PPFIA3: variants seen among roughly 807,000 people sequenced by gnomAD.
The protein encoded by PPFIA3 is PPFI scaffold protein A3.
A neutral mutation model predicts 145.8 loss-of-function variants in PPFIA3; 26 were observed. The observed-to-expected ratio is 0.18, with a 90% CI of 0.13 to 0.25. The LOEUF (loss-of-function observed/expected upper bound fraction) is 0.25. PPFIA3 is among the 10% of genes least tolerant of loss of function. The pLI is 1.00. For missense variants in PPFIA3, 1,008 were observed against 1,587.8 expected (o/e 0.63, Z 6.21); for synonymous variants, 645 against 661.4 (o/e 0.98, Z 0.38).
At chr19:49,122,863 A>T (rs2040953617) in intron 1 of PPFIA3, among the ~76,000 whole-genome samples, 2 of 150,958 alleles carry the variant, frequency 1.3e-5, no homozygotes, top group South Asian at 4.2e-4. Context: ...CTGGGACAAC[A>T]GGCGCCCACC....
At chr19:49,148,442 C>T in intron 24 of PPFIA3, 184 bp downstream of exon 24, 1 of 810,434 alleles carries the variant, frequency 1.2e-6, no homozygotes, top group Non-Finnish European at 1.9e-6. Flanking sequence ...AAGTTCAGAT[C>T]CTGAAATGGC....
chr19:49,121,331 T>A (rs2040934264), intron 1 of PPFIA3, among the ~76,000 whole-genome samples: 1 of 150,820 alleles, frequency 6.6e-6, no homozygotes, highest in Admixed American at 6.6e-5. Context: ...TTATTTATTT[T>A]GAGACAAGGT....
chr19:49,141,627 TGA>T (rs1228639353), intron 19 of PPFIA3, 114 bp downstream of exon 19: 6 of 779,026 alleles, frequency 7.7e-6, no homozygotes, highest in African/African-American at 1.8e-5. Context: ...AGAGGGTGTG[TGA>T]GTGTGTGTGT....
rs573333595 is a variant in PPFIA3 at position 49,120,654 on chromosome 19, G to A, written c.-16+932G>A. ...TCCTGGCACCCAGCATCTGCTCCCC[G>A]AGGGACTCAGGCGCCATGACTCCTT... is the stretch of plus-strand genomic sequence containing the variant. On this transcript the variant is annotated intron_variant, in intron 1 of 29. Transcript: ENST00000334186. The surrounding 1 kb of genome is among the most constrained non-coding windows in gnomAD (Gnocchi z 4.6). Among the ~76,000 whole-genome samples, 9 of 152,234 alleles carry A rather than the reference G, an allele frequency of 5.9e-5. No individual in the cohort carries two copies. Among genetic ancestry groups the A allele is most frequent in the Non-Finnish European group, 1.0e-4 (7 of 68,014 alleles).
Position 49,133,699 on chromosome 19 carries a change from G to T in PPFIA3, c.1162-97G>T. 3 of 1,305,824 alleles carry T rather than the reference G, an allele frequency of 2.3e-6. No homozygotes were observed. Among genetic ancestry groups the T allele is most frequent in the East Asian group, 2.4e-5 (1 of 41,716 alleles). 80.9% of individuals were successfully genotyped at this position (1,305,824 alleles called of 1,614,324 possible). ...GTGCAGGGGAGGAGCCTGGCGCTGT[G>T]GGGGCGGAGCCTGGCGCTCAGCCTT... On this transcript the variant is annotated intron_variant, in intron 9 of 29. Coordinates refer to ENST00000334186, the MANE Select transcript of PPFIA3 (RefSeq NM_003660.4). This position sits in a 1 kb window ranked among gnomAD's most constrained non-coding sequence, Gnocchi z 7.2.
In PPFIA3 at chr19:49,134,588, C is replaced by T. The variant is rs559801195; in HGVS notation, c.1378-51C>T. 1.7e-4 allele frequency: 264 copies of T among 1,553,406 alleles called. 3 individuals are homozygous for T. In the South Asian group the frequency reaches 2.8e-3, roughly 16 times the overall value. On this transcript the variant is annotated intron_variant, in intron 11 of 29. Transcript: ENST00000334186. ...GCACTGGGAGCTGCCTGCAGCCCCA[C>T]GGGCGTGGCCCCTCAGGCCTCACTC... is the stretch of plus-strand genomic sequence containing the variant.
At chr19:49,146,257 C>T in intron 23 of PPFIA3, 65 bp downstream of exon 23, 1 of 1,562,942 alleles carries the variant, frequency 6.4e-7, no homozygotes, top group Non-Finnish European at 8.7e-7. Context: ...GATGCCCCTC[C>T]TCCGAGCCCT....
At position 49,134,967 on chromosome 19, in the gene PPFIA3, C is replaced by G. The variant is rs371059547; in HGVS notation, c.1520+52C>G. The G allele has an allele frequency of 1.4e-4, 208 of 1,448,296 alleles. 2 individuals carry two copies. In the African/African-American group the frequency reaches 2.8e-3, roughly 19 times the overall value. 89.7% of individuals were successfully genotyped at this position (1,448,296 alleles called of 1,614,324 possible). Reference sequence around the variant, plus strand: ...CCACCATGGAGCCCCGTTGGCCAAGCGCCAAGCTCCTCCCTTCTGATCCCC... The same window carrying G: ...CCACCATGGAGCCCCGTTGGCCAAGGGCCAAGCTCCTCCCTTCTGATCCCC... On this transcript the variant is annotated intron_variant, in intron 13 of 29. Coordinates refer to ENST00000334186, the MANE Select transcript of PPFIA3 (RefSeq NM_003660.4).
In PPFIA3 at chr19:49,135,844, A is replaced by T; in HGVS notation, c.1586A>T (p.His529Leu). 1 of 1,613,886 alleles carries T rather than the reference A, an allele frequency of 6.2e-7. No homozygotes were observed. Among genetic ancestry groups the T allele is most frequent in the Non-Finnish European group, 8.5e-7 (1 of 1,179,938 alleles). ...GCACCCACTTTACCTTCTGGTGCCC[A>T]CCTGGATCCCTATGTGGCTGGCAGT... ...SQAPTLPSGAHLDPYVAGSGR... is the reference protein window; with the variant it reads ...SQAPTLPSGALLDPYVAGSGR... Residue 529 changes from histidine to leucine, a missense_variant, in exon 14 of 30, where the codon CAC becomes CTC. Transcript: ENST00000334186.
chr19:49,128,864 T>C lies in PPFIA3; in HGVS notation c.359T>C (p.Leu120Pro). 1 of 1,605,614 alleles carries C rather than the reference T, an allele frequency of 6.2e-7. No homozygotes were observed. The highest frequency in any genetic ancestry group is 2.2e-5 in the East Asian group (1 of 44,760). ...RNNTRLLLEH[L>P]ECLVSRHERS... ...TGCTTGCAGCTGCTCCTGGAACACC[T>C]GGAGTGCCTGGTGTCCAGGCACGAG... The change falls in exon 4 of 30, where the codon CTG (leucine) becomes CCG (proline). Residue 120 changes from leucine to proline, a missense_variant. Leu to Pro is a moderately conservative substitution (Grantham distance 98). Transcript: ENST00000334186. This position sits in a 1 kb window ranked among gnomAD's most constrained non-coding sequence, Gnocchi z 4.1.
At chr19:49,138,464 A>C (rs1243040975) in intron 16 of PPFIA3, 37 bp downstream of exon 16, 2 of 1,456,248 alleles carry the variant, frequency 1.4e-6, no homozygotes, top group Non-Finnish European at 1.8e-6. Context: ...TAGTAGGGGG[A>C]TGGGGAGAGG....
chr19:49,130,784 C>T lies in PPFIA3; in HGVS notation c.879+185C>T, dbSNP rs931491994. On this transcript the variant is annotated intron_variant, in intron 7 of 29. Transcript: ENST00000334186. This position sits in a 1 kb window ranked among gnomAD's most constrained non-coding sequence, Gnocchi z 4.5. ...TTCTCATCAGAGGGTGAGCCTGTGG[C>T]GCAGAGTAGGCGCTCCATAACTGCT... 6.6e-6 allele frequency among the ~76,000 whole-genome samples: 1 copy of T among 152,236 alleles called. No homozygotes were observed. Among genetic ancestry groups the T allele is most frequent in the African/African-American group, 2.4e-5 (1 of 41,456 alleles).
chr19:49,137,796 C>T (rs1483944357), intron 15 of PPFIA3, among the ~76,000 whole-genome samples: 1 of 152,080 alleles, frequency 6.6e-6, no homozygotes, highest in Admixed American at 6.5e-5. Context: ...CTTTCCATAC[C>T]AAATGAGTCC....
In PPFIA3 at chr19:49,149,720, T is replaced by TG. The variant is rs747164598; in HGVS notation, c.3526+8dup. 1 of 1,600,346 alleles carries TG rather than the reference T, an allele frequency of 6.2e-7. No homozygotes were observed. Among genetic ancestry groups the TG allele is most frequent in the Admixed American group, 1.7e-5 (1 of 58,188 alleles). ...CTCTCCGCAAGCTGCAGCCAGAAGG[T>TG]GGGGGGCTCCCAAATGCGACAGCCC... On this transcript the variant is annotated splice_region_variant and intron_variant, in intron 28 of 29. Coordinates refer to ENST00000334186, the MANE Select transcript of PPFIA3 (RefSeq NM_003660.4). The surrounding 1 kb of genome is among the most constrained non-coding windows in gnomAD (Gnocchi z 5.7).
In PPFIA3 at chr19:49,128,156, G is replaced by T. The variant is rs1256275114; in HGVS notation, c.240+43G>T. On this transcript the variant is annotated intron_variant, in intron 2 of 29. Transcript: ENST00000334186. The surrounding 1 kb of genome is among the most constrained non-coding windows in gnomAD (Gnocchi z 4.1). Reference sequence around the variant, plus strand: ...GCGGGGCATGAGGGGGCGGGGCCTCGGGGGGAAGAAGGCGGTCCGGAAGGG... The same window carrying T: ...GCGGGGCATGAGGGGGCGGGGCCTCTGGGGGAAGAAGGCGGTCCGGAAGGG... 4 of 1,470,712 alleles carry T rather than the reference G, an allele frequency of 2.7e-6. No individual in the cohort carries two copies. The highest frequency in any genetic ancestry group is 2.7e-6 in the Non-Finnish European group (3 of 1,112,582). The allele number at this position is 1,470,712 out of a possible 1,614,324, so 91.1% of individuals were successfully genotyped here. A position where few individuals can be genotyped will look rare whatever the true frequency, so the allele number is the denominator to read the frequency against.
At chr19:49,150,211 C>T in intron 29 of PPFIA3, 25 bp from the exon 30 acceptor site, 6 of 1,407,082 alleles carry the variant, frequency 4.3e-6, no homozygotes, top group African/African-American at 1.4e-5. Context: ...CTTCACTGCT[C>T]CACGCGCTGC....
intron 16 of PPFIA3, 93 bp from the exon 17 acceptor site, chr19:49,139,575 C>T (rs2041187579): frequency 2.2e-6 from 3 of 1,363,626 alleles, no homozygotes; most frequent in Admixed American, 2.3e-5. Flanking sequence ...ACCAGGGTCA[C>T]CCCACACACA....
At chr19:49,131,377 G>T (rs1224908690) in intron 7 of PPFIA3, among the ~76,000 whole-genome samples, 1 of 141,026 alleles carries the variant, frequency 7.1e-6, no homozygotes, top group African/African-American at 2.7e-5. Flanking sequence ...TAGAAATGGG[G>T]TTTCACTATA....
At chr19:49,145,472 C>G (rs1343085005) in intron 21 of PPFIA3, among the ~76,000 whole-genome samples, 1 of 152,190 alleles carries the variant, frequency 6.6e-6, no homozygotes, top group Admixed American at 6.5e-5. Flanking sequence ...ATATCCCACA[C>G]CCTATGACGG....
Sources: allele counts gnomAD v4.1 joint callset (sites outside exome capture counted in the v4.1 genomes callset), GRCh38; gene constraint gnomAD v4.1.1; non-coding constraint Gnocchi (gnomAD v3.1); transcripts MANE v1.5; gene names NCBI Gene and HGNC (gene_info 2026-07-23, HGNC 2026-07-21).